TENM3: variants seen among roughly 807,000 people sequenced by gnomAD.
The protein encoded by TENM3 is teneurin-3.
Under a neutral mutation model 255.1 loss-of-function variants are expected in TENM3, and 63 were observed. That is an observed-to-expected ratio of 0.25 (90% CI 0.20 to 0.30). The LOEUF is 0.30. Ranked by LOEUF, TENM3 falls within the 10% of genes least tolerant of loss-of-function variation. The pLI is 1.00. For missense variants in TENM3, 2,929 were observed against 3,461.1 expected (o/e 0.85, Z 3.86); for synonymous variants, 1,306 against 1,322.3 (o/e 0.99, Z 0.27).
intron 6 of TENM3, among the ~76,000 whole-genome samples, chr4:182,668,573 C>T (rs1221455506): frequency 6.6e-6 from 1 of 152,102 alleles, no homozygotes; most frequent in Non-Finnish European, 1.5e-5. Flanking sequence ...AATCTTGGAT[C>T]TTTTGTTTTA....
chr4:181,546,732 AG>A, the TENM3 span, among the ~76,000 whole-genome samples: 48,097 of 127,352 alleles, frequency 0.38, 9,230 homozygotes, highest in Admixed American at 0.52. Context: ...AAAAAAAAGA[AG>A]AAGAAGAAGA....
the TENM3 span, among the ~76,000 whole-genome samples, chr4:181,919,590 G>A: frequency 6.6e-6 from 1 of 152,006 alleles, no homozygotes; most frequent in Non-Finnish European, 1.5e-5. Flanking sequence ...TAGGTTGAAA[G>A]GTGGCAGGAG....
chr4:182,240,160 C>G (rs1434862118), upstream of TENM3, among the ~76,000 whole-genome samples: 1 of 152,120 alleles, frequency 6.6e-6, no homozygotes, highest in Non-Finnish European at 1.5e-5. Context: ...TATGAAGACC[C>G]TGGTTAGCCA....
the TENM3 span, among the ~76,000 whole-genome samples, chr4:181,680,952 T>C: frequency 6.6e-6 from 1 of 152,132 alleles, no homozygotes; most frequent in Non-Finnish European, 1.5e-5. Flanking sequence ...TCTTAACAGC[T>C]AAAATGTGAG....
chr4:182,226,108 A>G (rs558127923), intron 1 of TENM3, among the ~76,000 whole-genome samples: 2 of 152,254 alleles, frequency 1.3e-5, no homozygotes, highest in South Asian at 4.1e-4. Context: ...TTAATCTGTA[A>G]ATGAAAAAGG....
the TENM3 span, among the ~76,000 whole-genome samples, chr4:181,666,342 T>C: frequency 6.6e-6 from 1 of 152,234 alleles, no homozygotes; most frequent in African/African-American, 2.4e-5. Flanking sequence ...AAATGTATTA[T>C]ACATTTCCAT....
At chr4:181,792,066 T>C in the TENM3 span, among the ~76,000 whole-genome samples, 3 of 152,234 alleles carry the variant, frequency 2.0e-5, no homozygotes, top group African/African-American at 7.2e-5. Flanking sequence ...GCATTTTGGC[T>C]TACCTATAAT....
chr4:182,419,944 C>T (rs571215447), intron 3 of TENM3, among the ~76,000 whole-genome samples: 1 of 151,868 alleles, frequency 6.6e-6, no homozygotes, highest in African/African-American at 2.4e-5. Flanking sequence ...GTGCAGCACA[C>T]CAACATGGCA....
chr4:182,410,948 A>T (rs147803301), intron 3 of TENM3, among the ~76,000 whole-genome samples: 4 of 152,352 alleles, frequency 2.6e-5, no homozygotes, highest in African/African-American at 9.6e-5. Flanking sequence ...ATTAATGTTC[A>T]TGAAACGAGC....
At chr4:182,523,450 A>G (rs1738791057) in intron 3 of TENM3, among the ~76,000 whole-genome samples, 1 of 152,158 alleles carries the variant, frequency 6.6e-6, no homozygotes, top group Non-Finnish European at 1.5e-5. Flanking sequence ...TCCTTTGTGC[A>G]TAATGTGATG....
chr4:181,735,382 C>T, the TENM3 span, among the ~76,000 whole-genome samples: 1 of 152,096 alleles, frequency 6.6e-6, no homozygotes, highest in Non-Finnish European at 1.5e-5. Context: ...CTTGTTTTCC[C>T]TCCAATAATT....
At chr4:182,636,786 A>T in intron 5 of TENM3, among the ~76,000 whole-genome samples, 1 of 152,206 alleles carries the variant, frequency 6.6e-6, no homozygotes, top group East Asian at 1.9e-4. Flanking sequence ...ATTTAAATAT[A>T]GGGATCTCTC....
chr4:181,767,630 A>G, the TENM3 span, among the ~76,000 whole-genome samples: 20 of 152,216 alleles, frequency 1.3e-4, no homozygotes, highest in South Asian at 3.9e-3. Flanking sequence ...TATTCCAGAG[A>G]GTCTTACTCA....
chr4:181,769,036 G>C, the TENM3 span, among the ~76,000 whole-genome samples: 1 of 152,000 alleles, frequency 6.6e-6, no homozygotes, highest in Non-Finnish European at 1.5e-5. Context: ...TTAGCAGGGA[G>C]CGCTTATCTG....
At chr4:181,506,712 T>TG in the TENM3 span, among the ~76,000 whole-genome samples, 1 of 151,644 alleles carries the variant, frequency 6.6e-6, no homozygotes, top group African/African-American at 2.4e-5. Flanking sequence ...ACAACTCTAA[T>TG]CTTACACCGT....
At chr4:182,713,632 G>A (rs1259727096) in intron 12 of TENM3, among the ~76,000 whole-genome samples, 1 of 152,078 alleles carries the variant, frequency 6.6e-6, no homozygotes, top group Admixed American at 6.6e-5. Context: ...TCATGCTTTT[G>A]GAGTTTGAGG....
At chr4:181,672,083 C>T in the TENM3 span, among the ~76,000 whole-genome samples, 1 of 152,126 alleles carries the variant, frequency 6.6e-6, no homozygotes, top group African/African-American at 2.4e-5. Context: ...CACGTTTGCA[C>T]CTGCAGAAGA....
At chr4:182,166,877 G>GTTT (rs143482495) in intron 1 of TENM3, among the ~76,000 whole-genome samples, 1 of 149,592 alleles carries the variant, frequency 6.7e-6, no homozygotes. Context: ...AAACTCTTGG[G>GTTT]TTTTTTTTTT....
intron 2 of TENM3, among the ~76,000 whole-genome samples, chr4:182,328,705 A>C (rs1382339891): frequency 6.6e-6 from 1 of 151,576 alleles, no homozygotes; most frequent in Admixed American, 6.6e-5. Context: ...ACTCCCAGAA[A>C]CTCCCCTCTT....
Sources: allele counts gnomAD v4.1 joint callset (sites outside exome capture counted in the v4.1 genomes callset), GRCh38; gene constraint gnomAD v4.1.1; transcripts MANE v1.5; gene names NCBI Gene and HGNC (gene_info 2026-07-23, HGNC 2026-07-21).